SCNN1A: variants seen among roughly 807,000 people sequenced by gnomAD.
SCNN1A encodes the protein epithelial sodium channel subunit alpha.
In SCNN1A, 65 loss-of-function variants were observed where a neutral mutation model predicts 68.6. That is an observed-to-expected ratio of 0.95 (90% CI 0.78 to 1.16). The LOEUF (loss-of-function observed/expected upper bound fraction) is 1.16, where lower values mean the gene tolerates loss of function less well. Among genes scored for constraint, SCNN1A ranks in the 50% most tolerant of loss-of-function variants. The probability of loss-of-function intolerance (pLI) is 0.00; values close to 1 mark genes in which losing one functional copy is unlikely to be tolerated. For synonymous variants in SCNN1A, 357 were observed against 353.3 expected, an observed-to-expected ratio of 1.01 and a Z score of -0.12; for missense variants, 880 against 865.9, an observed-to-expected ratio of 1.02 and a Z score of -0.20.
intron 8 of SCNN1A, among the ~76,000 whole-genome samples, chr12:6,350,459 A>G (rs1363805825): frequency 6.6e-6 from 1 of 151,910 alleles, no homozygotes; most frequent in African/African-American, 2.4e-5. Flanking sequence ...GAAAAGAAAA[A>G]TGGGAACAAT....
chr12:6,357,359 A>G (rs1948514045), intron 4 of SCNN1A, among the ~76,000 whole-genome samples: 1 of 152,060 alleles, frequency 6.6e-6, no homozygotes, highest in Non-Finnish European at 1.5e-5. Flanking sequence ...GGATCAGTTG[A>G]AGTCAGAAGT....
chr12:6,348,199 A>G lies in SCNN1A; in HGVS notation c.1684T>C (p.Ser562Pro). ...GSQWSLWFGS[S>P]VLSVVEMAEL... is the part of the protein sequence containing the mutation. ...GCCATCTCCACCACAGACAACACCGAGGAGCCGAACCACAGGCTCCACTGG... is the reference window on the plus strand; with the variant it reads ...GCCATCTCCACCACAGACAACACCGGGGAGCCGAACCACAGGCTCCACTGG... Residue 562 changes from serine to proline, a missense_variant, in exon 13 of 13, where the codon TCG becomes CCG. Around this residue, in one of 3 missense-constraint regions of SCNN1A, gnomAD observed 758 missense variants for 721.8 expected, o/e 1.05. Coordinates refer to ENST00000228916, the MANE Select transcript of SCNN1A (RefSeq NM_001038.6). 1 of 1,614,146 alleles carries G rather than the reference A, an allele frequency of 6.2e-7. No individual in the cohort carries two copies. The highest frequency in any genetic ancestry group is 8.5e-7 in the Non-Finnish European group (1 of 1,180,028).
chr12:6,350,420 C>A (rs1266151393), intron 8 of SCNN1A, among the ~76,000 whole-genome samples: 1 of 140,724 alleles, frequency 7.1e-6, no homozygotes, highest in Admixed American at 7.3e-5. Context: ...GGCGACTGAG[C>A]GAGACTCCGT....
At chr12:6,371,862 C>T (rs1417354570) in intron 2 of SCNN1A, among the ~76,000 whole-genome samples, 2 of 152,148 alleles carry the variant, frequency 1.3e-5, no homozygotes, top group South Asian at 2.1e-4. Context: ...AATGCAGTGG[C>T]GTGATCTCGG....
At chr12:6,348,665 G>A (rs779576688) in intron 12 of SCNN1A, 62 bp downstream of exon 12, 112 of 1,440,592 alleles carry the variant, frequency 7.8e-5, no homozygotes, top group African/African-American at 1.6e-4. Context: ...GGTTTTCCCC[G>A]ACAGCCGCCC....
chr12:6,362,688 C>CT (rs539778143), intron 3 of SCNN1A, among the ~76,000 whole-genome samples: 191 of 150,346 alleles, frequency 1.3e-3, no homozygotes, highest in Non-Finnish European at 1.6e-3. Context: ...TCCTTTCTTT[C>CT]TTTTTTTTTG....
chr12:6,375,726 C>T (rs72645142), upstream of SCNN1A: 18 of 1,422,132 alleles, frequency 1.3e-5, no homozygotes, highest in South Asian at 8.9e-5. Flanking sequence ...GGGCTTTAGA[C>T]GCAGACAGGC....
At chr12:6,349,252 G>C in intron 9 of SCNN1A, 31 bp from the exon 10 acceptor site, 5 of 1,613,790 alleles carry the variant, frequency 3.1e-6, no homozygotes, top group Non-Finnish European at 3.4e-6. Flanking sequence ...TCAGTGTTGG[G>C]GCAGAGCTCT....
chr12:6,354,593 G>T, intron 7 of SCNN1A, 38 bp from the exon 8 acceptor site: 1 of 1,511,406 alleles, frequency 6.6e-7, no homozygotes, highest in Non-Finnish European at 9.2e-7. Flanking sequence ...GGGGGTTCAG[G>T]CCTGAACTCA....
rs1948616437 is a variant in SCNN1A, at chr12:6,363,428, C to CA, written c.684+14_684+15insT. 2 of 1,527,576 alleles carry CA rather than the reference C, an allele frequency of 1.3e-6. No homozygotes were observed. Among genetic ancestry groups the CA allele is most frequent in the Admixed American group, 4.1e-5 (2 of 48,444 alleles). The allele number at this position is 1,527,576 out of a possible 1,614,324, so 94.6% of individuals were successfully genotyped here. A position where few individuals can be genotyped will look rare whatever the true frequency, so the allele number is the denominator to read the frequency against. On this transcript the variant is annotated intron_variant, in intron 3 of 12. Coordinates refer to ENST00000228916, the MANE Select transcript of SCNN1A (RefSeq NM_001038.6). ...GCGAGGGGCGGGGCGGGCCCCTCGG[C>CA]GCTGCGGGCCTCACCAGCTGGAAGC... is the stretch of plus-strand genomic sequence containing the variant.
chr12:6,374,601 G>A lies in SCNN1A; in HGVS notation c.183C>T (p.Phe61=). ...FHRSYRELFE[F]FCNNTTIHGA... The stretch of plus-strand genomic sequence containing the variant: ...CGTGGATGGTGGTGTTGTTGCAGAA[G>A]AACTCGAAGAGCTCTCGGTAGGAGC... Residue 61 remains phenylalanine, a synonymous_variant, in exon 2 of 13, where the codon TTC becomes TTT. Coordinates refer to ENST00000228916, the MANE Select transcript of SCNN1A (RefSeq NM_001038.6). The surrounding 1 kb of genome is among the most constrained non-coding windows in gnomAD (Gnocchi z 6.2). 6.2e-7 allele frequency: 1 copy of A among 1,614,042 alleles called. No homozygotes were observed. Among genetic ancestry groups the A allele is most frequent in the Non-Finnish European group, 8.5e-7 (1 of 1,179,972 alleles).
At chr12:6,375,443 G>C in intron 1 of SCNN1A, 62 bp downstream of exon 1, 27 of 1,534,714 alleles carry the variant, frequency 1.8e-5, no homozygotes, top group Non-Finnish European at 2.4e-5. Context: ...CCAGGTTGCG[G>C]CTGGACTGGG....
chr12:6,349,608 C>G (rs191962608), intron 8 of SCNN1A, among the ~76,000 whole-genome samples: 3 of 152,058 alleles, frequency 2.0e-5, no homozygotes, highest in African/African-American at 7.2e-5. Flanking sequence ...TTTGGGAGGC[C>G]GAGGTGGGAG....
At position 6,365,718 on chromosome 12, in the gene SCNN1A, C is replaced by T. The variant is rs146185421; in HGVS notation, c.417-2008G>A. ...AAAATTAATTCAAGATGGATCATAA[C>T]GTAAACATGAAATTCAGAACCATAA... On this transcript the variant is annotated intron_variant, in intron 2 of 12. Transcript: ENST00000228916. Among the ~76,000 whole-genome samples, 19 of 152,284 alleles carry T rather than the reference C, an allele frequency of 1.2e-4. No homozygotes were observed. The East Asian group carries it at 3.5e-3, about 28-fold the overall frequency.
chr12:6,370,644 G>A (rs71445103), intron 2 of SCNN1A, among the ~76,000 whole-genome samples: 12,026 of 152,262 alleles, frequency 0.079, 569 homozygotes, highest in South Asian at 0.16. Flanking sequence ...TGCCAGCCCT[G>A]CTGAGCACAG....
At chr12:6,349,104 G>C in intron 10 of SCNN1A, 60 bp downstream of exon 10, 1 of 1,601,292 alleles carries the variant, frequency 6.2e-7, no homozygotes, top group Non-Finnish European at 8.6e-7. Flanking sequence ...AATACCCAGA[G>C]AAGGCCACAG....
chr12:6,354,654 C>T, intron 7 of SCNN1A, 96 bp downstream of exon 7: 5 of 1,381,954 alleles, frequency 3.6e-6, no homozygotes, highest in Non-Finnish European at 5.1e-6. Context: ...CCCCAGTTTC[C>T]CTCTCTCTCT....
rs774123732 is a variant in SCNN1A at position 6,374,447 on chromosome 12, G to T, written c.337C>A (p.Pro113Thr). ...GLLFGEYFSY[P>T]VSLNINLNSD... ...TTGAGGTTGATGTTGAGGCTGACGG[G>T]GTAGCTGAAGTACTCTCCGAAAAGC... The change falls in exon 2 of 13, where the codon CCC becomes ACC. Residue 113 changes from proline (P) to threonine (T), a missense_variant. Transcript: ENST00000228916. This position sits in a 1 kb window ranked among gnomAD's most constrained non-coding sequence, Gnocchi z 6.2. 6.2e-7 allele frequency: 1 copy of T among 1,614,194 alleles called. No homozygotes were observed. Among genetic ancestry groups the T allele is most frequent in the South Asian group, 1.1e-5 (1 of 91,086 alleles).
chr12:6,352,450 AAC>A (rs1170728570), intron 8 of SCNN1A, among the ~76,000 whole-genome samples: 1 of 152,216 alleles, frequency 6.6e-6, no homozygotes, highest in Non-Finnish European at 1.5e-5. Context: ...TAGGAAATGC[AAC>A]AGACTGTGCT....
Sources: gnomAD v4.1 joint callset for allele counts (sites outside exome capture counted in the v4.1 genomes callset) on GRCh38, gnomAD v4.1.1 for gene constraint, gnomAD v4.1.1 regional missense constraint, Gnocchi (gnomAD v3.1) non-coding constraint, MANE v1.5 for transcripts, NCBI Gene and HGNC (gene_info 2026-07-23, HGNC 2026-07-21) for gene names.